L3MBTL1: variants seen among roughly 807,000 people sequenced by gnomAD.
L3MBTL1 encodes L3MBTL histone methyl-lysine binding protein 1, also known as lethal(3)malignant brain tumor-like protein 1.
A neutral mutation model predicts 105.3 loss-of-function variants in L3MBTL1; 75 were observed. The observed-to-expected ratio is 0.71, with a 90% confidence interval of 0.59 to 0.86. The LOEUF (loss-of-function observed/expected upper bound fraction) is 0.86, where lower values mean the gene tolerates loss of function less well. Among genes scored for constraint, L3MBTL1 ranks in the 40% least tolerant of loss-of-function variants. The pLI, the probability that L3MBTL1 is intolerant of heterozygous loss-of-function variation, is 0.00. For missense variants in L3MBTL1, 1,069 were observed against 1,126.4 expected (o/e 0.95, Z 0.73); for synonymous variants, 452 against 436.2 (o/e 1.04, Z -0.45).
chr20:43,507,910 C>G (rs1349419147), intron 1 of L3MBTL1, among the ~76,000 whole-genome samples, 166 bp downstream of exon 1: 1 of 152,078 alleles, frequency 6.6e-6, no homozygotes, highest in Admixed American at 6.5e-5. Flanking sequence ...GGGAAAACGC[C>G]GGGGAAAGCG....
At position 43,540,827 on chromosome 20, in the gene L3MBTL1, G is replaced by T. The variant is rs747715425; in HGVS notation, c.2394+12G>T. ...TCTTCAAAGACGAGGTAAGGTGCAA[G>T]TGCAGAGTGGGAGACAGAGCCGGGG... On this transcript the variant is annotated intron_variant, in intron 21 of 21. Transcript: ENST00000418998. 2.9e-5 allele frequency: 46 copies of T among 1,613,998 alleles called. No homozygotes were observed. Among genetic ancestry groups the T allele is most frequent in the Non-Finnish European group, 3.8e-5 (45 of 1,179,988 alleles).
intron 19 of L3MBTL1, among the ~76,000 whole-genome samples, chr20:43,538,447 C>T (rs2019743068): frequency 6.6e-6 from 1 of 152,178 alleles, no homozygotes; most frequent in African/African-American, 2.4e-5. Context: ...CACAGGGCAC[C>T]CCTGCTCTTC....
intron 1 of L3MBTL1, among the ~76,000 whole-genome samples, chr20:43,508,513 G>A (rs1276098686): frequency 1.3e-5 from 2 of 152,248 alleles, no homozygotes; most frequent in African/African-American, 4.8e-5. Context: ...CCTATAGTAA[G>A]GACATTTATT....
intron 4 of L3MBTL1, 24 bp downstream of exon 4, chr20:43,514,800 C>G (rs1312695700): frequency 6.5e-7 from 1 of 1,528,512 alleles, no homozygotes; most frequent in Non-Finnish European, 8.8e-7. Flanking sequence ...TCCCCAGGCC[C>G]TGAGCTGGGC....
At chr20:43,524,574 G>T (rs1185587458) in intron 7 of L3MBTL1, among the ~76,000 whole-genome samples, 12 of 152,166 alleles carry the variant, frequency 7.9e-5, no homozygotes, top group Non-Finnish European at 8.8e-5. Flanking sequence ...GTATAGAAAG[G>T]TTCCATGGGG....
chr20:43,512,808 C>T (rs2018169757), intron 1 of L3MBTL1, among the ~76,000 whole-genome samples: 1 of 152,210 alleles, frequency 6.6e-6, no homozygotes, highest in African/African-American at 2.4e-5. Context: ...CTGTGAAATG[C>T]TTCTACTGCC....
intron 12 of L3MBTL1, 152 bp from the exon 13 acceptor site, chr20:43,533,190 A>C: frequency 1.4e-6 from 1 of 694,456 alleles, no homozygotes; most frequent in Non-Finnish European, 2.4e-6. Flanking sequence ...AGAGTTTGTA[A>C]TTCATGTTGC....
At chr20:43,514,453 G>C in intron 3 of L3MBTL1, 182 bp from the exon 4 acceptor site, 1 of 1,495,040 alleles carries the variant, frequency 6.7e-7, no homozygotes, top group Non-Finnish European at 9.0e-7. Context: ...AGGTGCTTGG[G>C]GGCGTAGCCT....
At chr20:43,524,612 C>T (rs919481893) in intron 7 of L3MBTL1, among the ~76,000 whole-genome samples, 1 of 152,144 alleles carries the variant, frequency 6.6e-6, no homozygotes, top group East Asian at 1.9e-4. Flanking sequence ...ATCCATCCAT[C>T]CACTCATCCA....
chr20:43,536,530 G>T (rs1487404405), intron 19 of L3MBTL1, 72 bp downstream of exon 19: 1 of 1,527,000 alleles, frequency 6.5e-7, no homozygotes, highest in African/African-American at 1.4e-5. Flanking sequence ...TCATTGGTGG[G>T]ATGAGACAGA....
chr20:43,544,798 C>T (rs892709057), downstream of L3MBTL1, among the ~76,000 whole-genome samples: 8 of 151,760 alleles, frequency 5.3e-5, no homozygotes, highest in East Asian at 3.9e-4. Flanking sequence ...AACCCAGTCT[C>T]TATGAAAAAT....
At chr20:43,536,885 A>G (rs1488069254) in intron 19 of L3MBTL1, among the ~76,000 whole-genome samples, 1 of 152,134 alleles carries the variant, frequency 6.6e-6, no homozygotes, top group African/African-American at 2.4e-5. Context: ...CTGCCTTTCC[A>G]TTGTCAATAC....
At chr20:43,508,968 G>A (rs561944479) in intron 1 of L3MBTL1, among the ~76,000 whole-genome samples, 6 of 152,302 alleles carry the variant, frequency 3.9e-5, no homozygotes, top group African/African-American at 1.4e-4. Context: ...TAGCTCCCTA[G>A]GCTCAGAGCA....
chr20:43,536,018 A>G (rs1381151989), intron 17 of L3MBTL1, 79 bp from the exon 18 acceptor site: 2 of 1,591,972 alleles, frequency 1.3e-6, no homozygotes, highest in Admixed American at 1.7e-5. Flanking sequence ...ACCAAAACAC[A>G]CTCCAGCTGG....
rs1435296729 is a variant in L3MBTL1 at position 43,533,322 on chromosome 20, G to A, written c.1437-20G>A. 3 of 1,611,656 alleles carry A rather than the reference G, an allele frequency of 1.9e-6. No individual in the cohort carries two copies. In the African/African-American group the frequency reaches 4.0e-5, roughly 22 times the overall value. ...GGCCTCAAGTTTCTCTTGGGACAGT[G>A]ACATGTTCTTGGATTTCAGGTGTGA... On this transcript the variant is annotated intron_variant, in intron 12 of 21. Transcript: ENST00000418998.
Position 43,540,194 on chromosome 20 carries a change from C to T in L3MBTL1, c.2217C>T (p.Ala739=). ...TGCACCAGTCCCTCTTCATGTCAGCCCTGTCGGCCCACCCTGACCGCTCAC... is the reference window on the plus strand; with the variant it reads ...TGCACCAGTCCCTCTTCATGTCAGCTCTGTCGGCCCACCCTGACCGCTCAC... The part of the protein sequence containing the change: ...DVVHQSLFMS[A]LSAHPDRSLS... The change falls in exon 20 of 22, where the codon GCC becomes GCT. Residue 739 remains alanine (A), a synonymous_variant. Coordinates refer to ENST00000418998, the MANE Select transcript of L3MBTL1 (RefSeq NM_001377303.1). 6.2e-7 allele frequency: 1 copy of T among 1,613,488 alleles called. No individual in the cohort carries two copies. The highest frequency in any genetic ancestry group is 1.1e-5 in the South Asian group (1 of 91,086).
Position 43,514,725 on chromosome 20 carries a change from G to T in L3MBTL1, c.451G>T (p.Glu151Ter). 1 of 1,576,994 alleles carries T rather than the reference G, an allele frequency of 6.3e-7. No homozygotes were observed. ...ELRQEGVTEY[E>*]DGGAPAGDGE... is the part of the protein sequence containing the mutation. ...GCGGCAGGAAGGCGTGACCGAATAC[G>T]AAGATGGCGGGGCCCCGGCGGGAGA... The change falls in exon 4 of 22, where the codon GAA (glutamate) becomes TAA (stop). Residue 151 changes from glutamate to a stop codon, truncating the protein, a stop_gained. Transcript: ENST00000418998. LOFTEE classifies it high-confidence loss of function.
chr20:43,532,951 CAG>C (rs758234930), intron 12 of L3MBTL1, 27 bp downstream of exon 12: 19 of 1,613,680 alleles, frequency 1.2e-5, no homozygotes, highest in South Asian at 6.6e-5. Context: ...GACTTGGCCT[CAG>C]GGGGTGAGGG....
chr20:43,507,958 G>C (rs187332935), intron 1 of L3MBTL1, among the ~76,000 whole-genome samples: 2,087 of 152,256 alleles, frequency 0.014, 32 homozygotes, highest in Non-Finnish European at 0.023. Flanking sequence ...GCGGGTGCGG[G>C]ACTCCAGGCC....
Sources: gnomAD v4.1 joint callset for allele counts (sites outside exome capture counted in the v4.1 genomes callset) on GRCh38, gnomAD v4.1.1 for gene constraint, MANE v1.5 for transcripts, NCBI Gene and HGNC (gene_info 2026-07-23, HGNC 2026-07-21) for gene names.